Variants in ANKRD11 observed in about 807,000 individuals in gnomAD.
The protein encoded by ANKRD11 is ankyrin repeat domain-containing protein 11.
A neutral mutation model predicts 195.7 loss-of-function variants in ANKRD11; 17 were observed. The ratio of observed to expected loss-of-function variants is 0.09; its 90% confidence interval spans 0.06 to 0.13. ANKRD11 has a LOEUF of 0.13. ANKRD11 is among the 10% of genes least tolerant of loss of function. The pLI, the probability that ANKRD11 is intolerant of heterozygous loss-of-function variation, is 1.00. For missense variants in ANKRD11, 3,735 were observed against 3,566.1 expected, an observed-to-expected ratio of 1.05 and a Z score of -1.21; for synonymous variants, 1,953 against 1,528.1, an observed-to-expected ratio of 1.28 and a Z score of -6.49.
At chr16:89,310,525 T>C (rs551512027) in intron 3 of ANKRD11, among the ~76,000 whole-genome samples, 2 of 152,358 alleles carry the variant, frequency 1.3e-5, no homozygotes, top group African/African-American at 4.8e-5. Flanking sequence ...TGTACATCAA[T>C]GTGGAGAGAG....
intron 2 of ANKRD11, among the ~76,000 whole-genome samples, chr16:89,374,252 C>T (rs2040320690): frequency 1.3e-5 from 2 of 152,114 alleles, no homozygotes; most frequent in South Asian, 4.2e-4. Context: ...AGATTTTATG[C>T]TTATTGAACC....
chr16:89,343,179 C>A (rs142909770), intron 2 of ANKRD11, among the ~76,000 whole-genome samples: 1 of 152,048 alleles, frequency 6.6e-6, no homozygotes, highest in Admixed American at 6.5e-5. Context: ...TTAGTGGAGA[C>A]GGGGTTTCAC....
intron 2 of ANKRD11, among the ~76,000 whole-genome samples, chr16:89,396,685 T>C (rs1484136556): frequency 6.6e-6 from 1 of 152,126 alleles, no homozygotes; most frequent in Non-Finnish European, 1.5e-5. Flanking sequence ...TTGCTATTTG[T>C]TGTTGTTGCT....
chr16:89,403,785 T>C (rs968759336), intron 2 of ANKRD11: 1 of 151,846 alleles, frequency 6.6e-6, no homozygotes, highest in African/African-American at 2.4e-5. Context: ...ATAAAAAAAT[T>C]AGGCGGGTGT....
chr16:89,280,138 G>C lies in ANKRD11; in HGVS notation c.6404C>G (p.Pro2135Arg). 1 of 1,611,772 alleles carries C rather than the reference G, an allele frequency of 6.2e-7. No individual in the cohort carries two copies. The highest frequency in any genetic ancestry group is 8.5e-7 in the Non-Finnish European group (1 of 1,179,406). ...CAGGGGAAGCTCCGGCAGGGAGAAG[G>C]GCCCCAGGTCCAGGTCGTCCTCGGG... is the stretch of plus-strand genomic sequence containing the variant. ...AGPEDDLDLG[P>R]FSLPELPLQT... The change falls in exon 9 of 13, where the codon CCC becomes CGC. Residue 2135 changes from proline (P) to arginine (R), a missense_variant. Physicochemically the swap from Pro to Arg is moderately radical, Grantham distance 103. Transcript: ENST00000301030.
At position 89,268,404 on chromosome 16, in the gene ANKRD11, C is replaced by A; in HGVS notation, c.*74G>T. The stretch of plus-strand genomic sequence containing the variant: ...CCGGGTGGACAGGGCGCTCCCTCCT[C>A]CGCCCCTGGGGCTCAGCAGCAGTCC... On this transcript the variant is annotated 3_prime_UTR_variant, in exon 13 of 13. Transcript: ENST00000301030. The A allele has an allele frequency of 1.4e-6, 1 of 691,944 alleles. No homozygotes were observed. Among genetic ancestry groups the A allele is most frequent in the Non-Finnish European group, 2.4e-6 (1 of 421,358 alleles). The allele number at this position is 691,944 out of a possible 1,614,324, so 42.9% of individuals were successfully genotyped here.
intron 2 of ANKRD11, among the ~76,000 whole-genome samples, chr16:89,356,835 G>A (rs2039504204): frequency 6.6e-6 from 1 of 151,724 alleles, no homozygotes; most frequent in African/African-American, 2.4e-5. Flanking sequence ...ACAATTTTGG[G>A]GACCCCAAAA....
At chr16:89,324,008 T>C (rs3102380) in intron 2 of ANKRD11, 131,537 of 213,912 alleles carry the variant, frequency 0.61, 41,340 homozygotes, top group Middle Eastern at 0.73. Flanking sequence ...ACCCCCAGTG[T>C]GCCCAGCTAC....
At chr16:89,467,968 G>GT (rs1278593637) in intron 1 of ANKRD11, among the ~76,000 whole-genome samples, 14 of 151,754 alleles carry the variant, frequency 9.2e-5, no homozygotes, top group African/African-American at 3.4e-4. Context: ...ACCCAGGTAA[G>GT]TTTTTTTGTA....
intron 1 of ANKRD11, among the ~76,000 whole-genome samples, chr16:89,462,547 G>A (rs2056718430): frequency 6.6e-6 from 1 of 151,794 alleles, no homozygotes. Context: ...GGGATGTGAG[G>A]AGCCCCTCTG....
At chr16:89,424,107 G>T (rs534632698) in intron 1 of ANKRD11, among the ~76,000 whole-genome samples, 3 of 152,024 alleles carry the variant, frequency 2.0e-5, no homozygotes, top group Non-Finnish European at 4.4e-5. Flanking sequence ...TGACTGCCCC[G>T]GGTGTACCTG....
At chr16:89,378,303 A>G (rs2152098129) in intron 2 of ANKRD11, among the ~76,000 whole-genome samples, 1 of 152,340 alleles carries the variant, frequency 6.6e-6, no homozygotes, top group East Asian at 1.9e-4. Context: ...GGGGTATAAA[A>G]GGTTATATGT....
At chr16:89,374,023 A>T (rs760508949) in intron 2 of ANKRD11, among the ~76,000 whole-genome samples, 6 of 152,248 alleles carry the variant, frequency 3.9e-5, no homozygotes, top group Non-Finnish European at 7.3e-5. Flanking sequence ...GGAGCTCCGC[A>T]CTTCTGCAAA....
At chr16:89,398,144 TGAAGA>T (rs1323168257) in intron 2 of ANKRD11, among the ~76,000 whole-genome samples, 2 of 151,564 alleles carry the variant, frequency 1.3e-5, no homozygotes, top group African/African-American at 2.4e-5. Context: ...GTGAAACAGC[TGAAGA>T]CTACCTGTGA....
At chr16:89,324,300 C>T (rs915626502) in intron 2 of ANKRD11, 42 of 1,268,106 alleles carry the variant, frequency 3.3e-5, no homozygotes, top group African/African-American at 6.1e-5. Context: ...ACGGACCACC[C>T]GACAGGAGCA....
chr16:89,369,384 C>A (rs1007457181), intron 2 of ANKRD11, among the ~76,000 whole-genome samples: 1 of 152,200 alleles, frequency 6.6e-6, no homozygotes, highest in Non-Finnish European at 1.5e-5. Context: ...ACCCGCATGA[C>A]CCTGCCACAG....
At chr16:89,486,264 A>T (rs1316810395) in intron 1 of ANKRD11, among the ~76,000 whole-genome samples, 1 of 151,988 alleles carries the variant, frequency 6.6e-6, no homozygotes, top group Non-Finnish European at 1.5e-5. Context: ...ACACAGGAAG[A>T]CCCTGTTTCT....
chr16:89,415,705 G>A (rs542554049), intron 2 of ANKRD11, among the ~76,000 whole-genome samples: 6 of 151,144 alleles, frequency 4.0e-5, no homozygotes, highest in Admixed American at 2.6e-4. Flanking sequence ...GTGGGTACCT[G>A]TAATCCCAGC....
At chr16:89,447,843 C>G (rs1030431497) in intron 1 of ANKRD11, among the ~76,000 whole-genome samples, 2 of 143,942 alleles carry the variant, frequency 1.4e-5, no homozygotes, top group African/African-American at 2.6e-5. Context: ...CTCACTCTGT[C>G]ACCCAAGCTG....
Sources: allele counts gnomAD v4.1 joint callset (sites outside exome capture counted in the v4.1 genomes callset), GRCh38; gene constraint gnomAD v4.1.1; transcripts MANE v1.5; gene names NCBI Gene and HGNC (gene_info 2026-07-23, HGNC 2026-07-21).